MERTK: variants seen among roughly 807,000 people sequenced by gnomAD.
MERTK encodes the protein MER proto-oncogene, tyrosine kinase, also known as tyrosine-protein kinase Mer.
In MERTK, 69 loss-of-function variants were observed where a neutral mutation model predicts 99.3. The observed-to-expected ratio is 0.70, with a 90% CI of 0.57 to 0.85. The LOEUF (loss-of-function observed/expected upper bound fraction) is 0.85, where lower values mean the gene tolerates loss of function less well. Ranked by LOEUF, MERTK falls within the 40% of genes least tolerant of loss-of-function variation. MERTK has a pLI of 0.00. For missense variants in MERTK, 1,125 were observed against 1,249.4 expected, an observed-to-expected ratio of 0.90 and a Z score of 1.50; for synonymous variants, 426 against 467.6, an observed-to-expected ratio of 0.91 and a Z score of 1.15.
chr2:111,945,061 G>GT lies in MERTK; in HGVS notation c.583+2dup. On this transcript the variant is annotated splice_donor_variant, in intron 3 of 18. Transcript: ENST00000295408. LOFTEE classifies it high-confidence loss of function. ...GATCCCATCTACATCGAAGTACAAG[G>GT]TAAGTCCACAGACCAGAGTCCCATT... 1 of 1,610,564 alleles carries GT rather than the reference G, an allele frequency of 6.2e-7. No homozygotes were observed. The highest frequency in any genetic ancestry group is 8.5e-7 in the Non-Finnish European group (1 of 1,177,084).
intron 5 of MERTK, among the ~76,000 whole-genome samples, chr2:111,967,833 A>G (rs1194279368): frequency 6.6e-6 from 1 of 152,154 alleles, no homozygotes; most frequent in African/African-American, 2.4e-5. Flanking sequence ...ATGAACATGT[A>G]CTCAGTAAAG....
intron 14 of MERTK, 159 bp downstream of exon 14, chr2:112,008,634 T>A: frequency 1.4e-6 from 1 of 740,274 alleles, no homozygotes. Flanking sequence ...TTCATAATGA[T>A]GTTTTCTGAG....
intron 15 of MERTK, among the ~76,000 whole-genome samples, chr2:112,018,578 G>T (rs1304136779): frequency 6.6e-6 from 1 of 152,166 alleles, no homozygotes; most frequent in African/African-American, 2.4e-5. Flanking sequence ...GGCAAATTCA[G>T]TGCCTTGGGG....
intron 2 of MERTK, 62 bp from the exon 3 acceptor site, chr2:111,944,898 A>G: frequency 7.3e-7 from 1 of 1,373,990 alleles, no homozygotes; most frequent in Non-Finnish European, 1.0e-6. Context: ...AGAAGTTTCC[A>G]TCCTATAATA....
intron 2 of MERTK, among the ~76,000 whole-genome samples, chr2:111,942,295 G>T (rs1339531466): frequency 2.0e-5 from 3 of 152,178 alleles, no homozygotes; most frequent in Non-Finnish European, 2.9e-5. Context: ...ATATGTAGAA[G>T]CACCCCCTCT....
chr2:112,026,214 C>G (rs1677457470), intron 18 of MERTK: 1 of 154,056 alleles, frequency 6.5e-6, no homozygotes, highest in Non-Finnish European at 1.5e-5. Flanking sequence ...TACATGTTCA[C>G]CATGTCTTTA....
At chr2:112,006,684 T>C (rs1308036292) in intron 13 of MERTK, among the ~76,000 whole-genome samples, 1 of 152,144 alleles carries the variant, frequency 6.6e-6, no homozygotes, top group Non-Finnish European at 1.5e-5. Flanking sequence ...ATTGAGAGTA[T>C]AATCTCTAGC....
intron 13 of MERTK, among the ~76,000 whole-genome samples, chr2:112,005,627 T>C (rs757864893): frequency 6.6e-6 from 1 of 152,068 alleles, no homozygotes; most frequent in Admixed American, 6.6e-5. Flanking sequence ...ACTTAGAAAA[T>C]AGGTCGTGGT....
intron 1 of MERTK, among the ~76,000 whole-genome samples, chr2:111,901,519 C>T (rs1684041965): frequency 6.6e-6 from 1 of 151,010 alleles, no homozygotes; most frequent in South Asian, 2.1e-4. Flanking sequence ...TATTCTGACC[C>T]ATTAAAGTGC....
intron 3 of MERTK, 119 bp from the exon 4 acceptor site, chr2:111,947,275 C>T (rs1427479432): frequency 3.6e-6 from 2 of 558,848 alleles, no homozygotes; most frequent in African/African-American, 1.9e-5. Context: ...TCCATCCCCA[C>T]CCGCCCCCCA....
Position 112,011,243 on chromosome 2 carries a change from G to A in MERTK, c.2079+1177G>A, listed in dbSNP as rs1425001322. 3.3e-5 allele frequency among the ~76,000 whole-genome samples: 5 copies of A among 152,262 alleles called. No homozygotes were observed. In the East Asian group the frequency reaches 9.6e-4, roughly 29 times the overall value. ...TGAGTCCACAGGATGAAAGTGCAAG[G>A]AAATTAGTTCTTAGGGACCATGAAA... is the stretch of plus-strand genomic sequence containing the variant. On this transcript the variant is annotated intron_variant, in intron 15 of 18. Coordinates refer to ENST00000295408, the MANE Select transcript of MERTK (RefSeq NM_006343.3).
Position 111,945,029 on chromosome 2 carries a change from C to T in MERTK, c.552C>T (p.Ile184=), listed in dbSNP as rs148690514. Residue 184 remains isoleucine (I), a synonymous_variant, in exon 3 of 19, where the codon ATC becomes ATT. Transcript: ENST00000295408. ...AGATGAAAATAAACAATGAAGAGATCGTGTCTGATCCCATCTACATCGAAG... is the reference window on the plus strand; with the variant it reads ...AGATGAAAATAAACAATGAAGAGATTGTGTCTGATCCCATCTACATCGAAG... ...ICKMKINNEE[I]VSDPIYIEVQ... 1.1e-5 allele frequency: 17 copies of T among 1,613,290 alleles called. No homozygotes were observed. Among genetic ancestry groups the T allele is most frequent in the Non-Finnish European group, 1.1e-5 (13 of 1,179,582 alleles).
chr2:112,003,353 ACT>A (rs1306187748), intron 12 of MERTK, 166 bp downstream of exon 12: 1 of 522,510 alleles, frequency 1.9e-6, no homozygotes, highest in East Asian at 3.5e-5. Context: ...GATTTTTGAA[ACT>A]CAGATCTGGC....
At chr2:112,004,125 A>G (rs1215117200) in intron 13 of MERTK, 141 bp downstream of exon 13, 12 of 726,424 alleles carry the variant, frequency 1.7e-5, no homozygotes, top group African/African-American at 5.3e-5. Context: ...AGGGGGACTT[A>G]CTTTAATGAG....
intron 14 of MERTK, 88 bp downstream of exon 14, chr2:112,008,563 G>A: frequency 1.0e-6 from 1 of 955,508 alleles, no homozygotes; most frequent in South Asian, 1.3e-5. Flanking sequence ...GTGTAGATAA[G>A]TTTACACTTC....
At chr2:112,026,029 G>T (rs1677454031) in intron 18 of MERTK, 1 of 153,100 alleles carries the variant, frequency 6.5e-6, no homozygotes, top group South Asian at 2.1e-4. Context: ...AAATAAAAAT[G>T]ACCATTTACA....
Position 111,925,620 on chromosome 2 carries a change from A to G in MERTK, c.62-3500A>G, listed in dbSNP as rs189313249. 2.9e-3 allele frequency among the ~76,000 whole-genome samples: 443 copies of G among 150,256 alleles called. 2 individuals are homozygous for G. Among genetic ancestry groups the G allele is most frequent in the African/African-American group, 6.4e-3 (262 of 40,862 alleles). On this transcript the variant is annotated intron_variant, in intron 1 of 18. Transcript: ENST00000295408. ...GCCTGGCCCAGATATCTTTTAAACC[A>G]TCTAGAGTGTTGAGTGATTTCAGGG...
At position 111,994,268 on chromosome 2, in the gene MERTK, A is replaced by G; in HGVS notation, c.1314A>G (p.Glu438=). Residue 438 remains glutamate, a synonymous_variant, in exon 9 of 19, where the codon GAA becomes GAG. Transcript: ENST00000295408. ...GTCTCCAGAAAGAGCTCTTGGAGGA[A>G]GTTGGCCAGAATGGCAGCCGAGCTC... ...SAGISKELLE[E]VGQNGSRARI... The G allele has an allele frequency of 6.2e-7, 1 of 1,614,058 alleles. No homozygotes were observed.
Position 112,029,361 on chromosome 2 carries a change from TAAGGAAG to T in MERTK, c.*498_*504del. On this transcript the variant is annotated 3_prime_UTR_variant, in exon 19 of 19. Coordinates refer to ENST00000295408, the MANE Select transcript of MERTK (RefSeq NM_006343.3). ...ATATGGCTTCCTAATAAAATATGAATAAGGAAGGATATGTTGAACTTACTTGAGACTT... is the reference window on the plus strand; with the variant it reads ...ATATGGCTTCCTAATAAAATATGAATGATATGTTGAACTTACTTGAGACTT... 16 of 939,412 alleles carry T rather than the reference TAAGGAAG, an allele frequency of 1.7e-5. No individual in the cohort carries two copies. In the South Asian group the frequency reaches 1.9e-4, roughly 11 times the overall value. The allele number at this position is 939,412 out of a possible 1,614,324, so 58.2% of individuals were successfully genotyped here.
Sources: gnomAD v4.1 joint callset for allele counts (sites outside exome capture counted in the v4.1 genomes callset) on GRCh38, gnomAD v4.1.1 for gene constraint, MANE v1.5 for transcripts, NCBI Gene and HGNC (gene_info 2026-07-23, HGNC 2026-07-21) for gene names.